CBLB: variants seen among roughly 807,000 people sequenced by gnomAD.
CBLB encodes the protein E3 ubiquitin-protein ligase CBL-B.
Under a neutral mutation model 104.9 loss-of-function variants are expected in CBLB, and 31 were observed. The observed-to-expected ratio is 0.30, with a 90% CI of 0.22 to 0.40. The LOEUF (loss-of-function observed/expected upper bound fraction) is 0.40, where lower values mean the gene tolerates loss of function less well. CBLB is among the 10% of genes least tolerant of loss of function. CBLB has a pLI of 1.00. For synonymous variants in CBLB, 440 were observed against 422.6 expected, an observed-to-expected ratio of 1.04 and a Z score of -0.51; for missense variants, 1,062 against 1,214.6, an observed-to-expected ratio of 0.87 and a Z score of 1.87.
intron 3 of CBLB, among the ~76,000 whole-genome samples, chr3:105,824,524 G>C (rs1431232787): frequency 1.3e-5 from 2 of 152,070 alleles, no homozygotes; most frequent in Admixed American, 1.3e-4. Flanking sequence ...TAGGTCAGGA[G>C]GGCTGTGGAG....
At chr3:105,801,586 G>A (rs1434444915) in intron 3 of CBLB, among the ~76,000 whole-genome samples, 1 of 152,168 alleles carries the variant, frequency 6.6e-6, no homozygotes, top group Non-Finnish European at 1.5e-5. Context: ...TCATTTACAT[G>A]AAATGGTCTT....
chr3:105,671,433 C>A (rs574550286), intron 17 of CBLB: 1 of 216,458 alleles, frequency 4.6e-6, no homozygotes, highest in Non-Finnish European at 9.3e-6. Flanking sequence ...ACACTCTTGG[C>A]AAATAGCTTG....
chr3:105,681,322 G>A (rs915275919), intron 16 of CBLB, 157 bp downstream of exon 16: 16 of 676,896 alleles, frequency 2.4e-5, no homozygotes, highest in South Asian at 2.0e-4. Flanking sequence ...TAATGGTCTC[G>A]TGAACTTGGG....
At chr3:105,784,682 T>A (rs767830427) in intron 3 of CBLB, among the ~76,000 whole-genome samples, 1 of 152,176 alleles carries the variant, frequency 6.6e-6, no homozygotes, top group Non-Finnish European at 1.5e-5. Context: ...ATTGATCAGT[T>A]TTTTTTCCAA....
At chr3:105,754,515 G>GAGAGAGAC (rs750769447) in intron 4 of CBLB, among the ~76,000 whole-genome samples, 1 of 106,782 alleles carries the variant, frequency 9.4e-6, no homozygotes, top group African/African-American at 4.0e-5. Context: ...GAGAGAGAGA[G>GAGAGAGAC]AGAGAGACAG....
At chr3:105,714,742 T>C (rs2071598542) in intron 10 of CBLB, among the ~76,000 whole-genome samples, 1 of 152,190 alleles carries the variant, frequency 6.6e-6, no homozygotes, top group Non-Finnish European at 1.5e-5. Flanking sequence ...GGCCTGGGGT[T>C]TGGGGACCCC....
intron 3 of CBLB, among the ~76,000 whole-genome samples, chr3:105,784,323 T>C (rs1043613840): frequency 1.3e-5 from 2 of 152,192 alleles, no homozygotes; most frequent in Non-Finnish European, 2.9e-5. Flanking sequence ...AAAATCATGA[T>C]TGCTATGAGA....
chr3:105,829,565 G>A (rs1008410404), intron 3 of CBLB, among the ~76,000 whole-genome samples: 6 of 147,648 alleles, frequency 4.1e-5, no homozygotes, highest in African/African-American at 1.5e-4. Context: ...AGCCTACTTG[G>A]AGACTGAGGC....
At chr3:105,857,343 G>C (rs2091717384) in intron 2 of CBLB, among the ~76,000 whole-genome samples, 1 of 152,180 alleles carries the variant, frequency 6.6e-6, no homozygotes, top group Admixed American at 6.5e-5. Flanking sequence ...GCCAGGTACT[G>C]AGCTTAGAGC....
intron 10 of CBLB, among the ~76,000 whole-genome samples, chr3:105,705,839 T>C (rs2070034622): frequency 6.6e-6 from 1 of 152,194 alleles, no homozygotes; most frequent in African/African-American, 2.4e-5. Flanking sequence ...AAAGACTTTT[T>C]AAAAATAAAT....
chr3:105,660,966 C>CTT (rs35803625), intron 18 of CBLB, among the ~76,000 whole-genome samples: 1 of 142,928 alleles, frequency 7.0e-6, no homozygotes, highest in Non-Finnish European at 1.5e-5. Flanking sequence ...ATGTCTTCTT[C>CTT]TTTTTTTTTT....
intron 4 of CBLB, among the ~76,000 whole-genome samples, chr3:105,773,035 G>A (rs2079037125): frequency 6.6e-6 from 1 of 152,140 alleles, no homozygotes; most frequent in Non-Finnish European, 1.5e-5. Flanking sequence ...TCCACTGCCA[G>A]ATACCTGGTC....
intron 3 of CBLB, among the ~76,000 whole-genome samples, chr3:105,794,449 T>G (rs997821837): frequency 2.0e-5 from 3 of 152,220 alleles, no homozygotes; most frequent in African/African-American, 7.2e-5. Context: ...CATACTTCTG[T>G]AACAGTCTTT....
chr3:105,697,159 C>G (rs1032512932), intron 12 of CBLB, among the ~76,000 whole-genome samples: 1 of 151,848 alleles, frequency 6.6e-6, no homozygotes, highest in African/African-American at 2.4e-5. Flanking sequence ...CTTGAACATC[C>G]TAGGTACTCA....
intron 3 of CBLB, among the ~76,000 whole-genome samples, chr3:105,807,939 T>C (rs1480195006): frequency 2.6e-5 from 4 of 152,166 alleles, no homozygotes; most frequent in Non-Finnish European, 5.9e-5. Flanking sequence ...CGTCAGTGAG[T>C]GCTCAGTCAT....
intron 3 of CBLB, among the ~76,000 whole-genome samples, chr3:105,785,900 T>C (rs2080929646): frequency 1.3e-5 from 2 of 152,130 alleles, no homozygotes; most frequent in Admixed American, 6.6e-5. Context: ...CATAGAAAAC[T>C]GGGAACCAGT....
chr3:105,742,126 C>G (rs1198803256), intron 6 of CBLB, among the ~76,000 whole-genome samples: 1 of 152,152 alleles, frequency 6.6e-6, no homozygotes, highest in Non-Finnish European at 1.5e-5. Flanking sequence ...TTCAATCTTT[C>G]TATCAGGATA....
chr3:105,853,240 T>C (rs2091187662), intron 3 of CBLB, among the ~76,000 whole-genome samples, 174 bp downstream of exon 3: 1 of 152,096 alleles, frequency 6.6e-6, no homozygotes, highest in South Asian at 2.1e-4. Context: ...AACAATGAAA[T>C]TGTCTAAAAA....
At chr3:105,720,329 A>G (rs2072614306) in intron 9 of CBLB, 79 bp from the exon 10 acceptor site, 2 of 1,369,234 alleles carry the variant, frequency 1.5e-6, no homozygotes, top group Non-Finnish European at 1.0e-6. Context: ...TTCTACAACT[A>G]TAAAAGTCAC....
Sources: gnomAD v4.1 joint callset for allele counts (sites outside exome capture counted in the v4.1 genomes callset) on GRCh38, gnomAD v4.1.1 for gene constraint, MANE v1.5 for transcripts, NCBI Gene and HGNC (gene_info 2026-07-23, HGNC 2026-07-21) for gene names.